The following STK32A variants were observed in gnomAD, a reference collection of about 807,000 sequenced individuals.
STK32A encodes the protein serine/threonine-protein kinase 32A.
In STK32A, 41 loss-of-function variants were observed where a neutral mutation model predicts 53.2. The ratio of observed to expected loss-of-function variants is 0.77; its 90% CI spans 0.60 to 1.00. The LOEUF is 1.00. Ranked by LOEUF, STK32A falls within the 50% of genes least tolerant of loss-of-function variation. STK32A has a pLI of 0.00. For synonymous variants in STK32A, 166 were observed against 162.8 expected, an observed-to-expected ratio of 1.02 and a Z score of -0.15; for missense variants, 458 against 485.8, an observed-to-expected ratio of 0.94 and a Z score of 0.54.
chr5:147,262,570 C>T (rs966018891), intron 2 of STK32A, among the ~76,000 whole-genome samples: 11 of 148,032 alleles, frequency 7.4e-5, no homozygotes, highest in African/African-American at 2.8e-4. Flanking sequence ...TTCATTATAC[C>T]TATTTTACAG....
chr5:147,251,886 A>G (rs993009751), intron 2 of STK32A, among the ~76,000 whole-genome samples: 2 of 152,106 alleles, frequency 1.3e-5, no homozygotes, highest in African/African-American at 4.8e-5. Context: ...AACAATTCCA[A>G]TGGCCTTTAT....
intron 2 of STK32A, among the ~76,000 whole-genome samples, chr5:147,276,896 T>C (rs968627549): frequency 6.6e-6 from 1 of 152,194 alleles, no homozygotes; most frequent in Non-Finnish European, 1.5e-5. Flanking sequence ...TTATCTCCAG[T>C]CTCTTCATTA....
chr5:147,239,143 CAG>C (rs1753455954), intron 1 of STK32A, among the ~76,000 whole-genome samples: 1 of 152,144 alleles, frequency 6.6e-6, no homozygotes, highest in East Asian at 1.9e-4. Flanking sequence ...TATGCAGAAA[CAG>C]ATAGCTAGTG....
chr5:147,313,993 A>T (rs2151972689), intron 4 of STK32A, among the ~76,000 whole-genome samples: 1 of 152,274 alleles, frequency 6.6e-6, no homozygotes, highest in East Asian at 1.9e-4. Flanking sequence ...GAAGTAGATG[A>T]TCAAGACCTT....
intron 5 of STK32A, among the ~76,000 whole-genome samples, chr5:147,336,358 G>A (rs1300637532): frequency 4.2e-5 from 6 of 141,678 alleles, no homozygotes; most frequent in Non-Finnish European, 9.2e-5. Flanking sequence ...TCCCTCCCTT[G>A]ACCCAGCAAC....
In STK32A at chr5:147,351,729, C is replaced by A. The variant is rs535831634; in HGVS notation, c.562+575C>A. Among the ~76,000 whole-genome samples, 119 of 152,224 alleles carry A rather than the reference C, an allele frequency of 7.8e-4. 1 individual carries two copies. Among genetic ancestry groups the A allele is most frequent in the Non-Finnish European group, 2.4e-4 (16 of 68,014 alleles). ...GGGTGTGGTAGCATGCGCCTGTAGT[C>A]CCAGCTACTCGGGGGGCTGAGGCAG... On this transcript the variant is annotated intron_variant, in intron 7 of 12. Coordinates refer to ENST00000397936, the MANE Select transcript of STK32A (RefSeq NM_001112724.2).
At chr5:147,271,290 G>C (rs1183672941) in intron 2 of STK32A, among the ~76,000 whole-genome samples, 1 of 151,764 alleles carries the variant, frequency 6.6e-6, no homozygotes, top group East Asian at 1.9e-4. Context: ...CACTTCCCCA[G>C]TCAATACCCT....
chr5:147,383,421 T>C lies in STK32A; in HGVS notation c.1033-20T>C. The C allele has an allele frequency of 3.8e-6, 6 of 1,579,228 alleles. No homozygotes were observed. The highest frequency in any genetic ancestry group is 5.2e-6 in the Non-Finnish European group (6 of 1,160,960). ...GTCTGCTAACTATACCTCTATTTTT[T>C]TTCTACGTTCACCTGGAAGACATGT... On this transcript the variant is annotated intron_variant, in intron 11 of 12. Coordinates refer to ENST00000397936, the MANE Select transcript of STK32A (RefSeq NM_001112724.2).
At position 147,386,813 on chromosome 5, in the gene STK32A, T is replaced by C. The variant is rs1485423103; in HGVS notation, c.*2830T>C. 1 of 152,230 alleles carries C rather than the reference T, an allele frequency of 6.6e-6. No homozygotes were observed. Among genetic ancestry groups the C allele is most frequent in the Non-Finnish European group, 1.5e-5 (1 of 68,052 alleles). The allele number at this position is 152,230 out of a possible 1,614,324, so 9.4% of individuals were successfully genotyped here. ...GCTGATTGTAATCACCTCCCACCAC[T>C]GTGCATTTTAAACATGAGAACAAAA... On this transcript the variant is annotated 3_prime_UTR_variant, in exon 13 of 13. Transcript: ENST00000397936.
chr5:147,344,861 C>T (rs568643968), intron 6 of STK32A, among the ~76,000 whole-genome samples: 29 of 152,256 alleles, frequency 1.9e-4, no homozygotes, highest in African/African-American at 6.7e-4. Flanking sequence ...CAACACTTTC[C>T]CAGCTTTATC....
At chr5:147,241,029 A>T (rs1753549403) in intron 2 of STK32A, among the ~76,000 whole-genome samples, 1 of 152,204 alleles carries the variant, frequency 6.6e-6, no homozygotes, top group African/African-American at 2.4e-5. Context: ...TCAGTTTGTT[A>T]TCTTGGGTGG....
chr5:147,271,989 A>G (rs772196558), intron 2 of STK32A, among the ~76,000 whole-genome samples: 18 of 152,070 alleles, frequency 1.2e-4, no homozygotes, highest in Non-Finnish European at 2.5e-4. Flanking sequence ...GAAAATCCCT[A>G]ATAAAAACTT....
intron 4 of STK32A, among the ~76,000 whole-genome samples, chr5:147,309,811 T>G (rs1201004915): frequency 6.6e-6 from 1 of 152,188 alleles, no homozygotes; most frequent in Non-Finnish European, 1.5e-5. Flanking sequence ...CACGTTCCAT[T>G]TCTTTCGATA....
chr5:147,321,468 C>T (rs979752133), intron 4 of STK32A, among the ~76,000 whole-genome samples: 2 of 152,158 alleles, frequency 1.3e-5, no homozygotes, highest in South Asian at 4.1e-4. Flanking sequence ...AAACGTGCCT[C>T]CATGATTAAA....
chr5:147,297,097 G>T (rs1306884905), intron 4 of STK32A, among the ~76,000 whole-genome samples: 2 of 152,128 alleles, frequency 1.3e-5, no homozygotes, highest in Non-Finnish European at 2.9e-5. Context: ...CTTAACCAAG[G>T]TTATGTCTAA....
In STK32A at chr5:147,304,153, C is replaced by A. The variant is rs144739438; in HGVS notation, c.261-19745C>A. 3.2e-4 allele frequency among the ~76,000 whole-genome samples: 48 copies of A among 152,288 alleles called. No individual in the cohort carries two copies. The East Asian group carries it at 5.4e-3, about 17-fold the overall frequency. On this transcript the variant is annotated intron_variant, in intron 4 of 12. Transcript: ENST00000397936. Reference sequence around the variant, plus strand: ...TGAATAGACTCTTAAGCTGTCTGGGCGGACATGAGTCAGCTCCAACCAATT... The same window carrying A: ...TGAATAGACTCTTAAGCTGTCTGGGAGGACATGAGTCAGCTCCAACCAATT...
intron 4 of STK32A, among the ~76,000 whole-genome samples, chr5:147,299,271 G>C (rs1259570156): frequency 6.6e-6 from 1 of 152,078 alleles, no homozygotes; most frequent in Non-Finnish European, 1.5e-5. Flanking sequence ...TTTGTAAACT[G>C]TCATGGTGCT....
chr5:147,271,332 C>G (rs13170718), intron 2 of STK32A, among the ~76,000 whole-genome samples: 24,455 of 152,138 alleles, frequency 0.16, 2,352 homozygotes, highest in East Asian at 0.49. Context: ...TTACTTTAAT[C>G]TCTTAATCCT....
intron 2 of STK32A, among the ~76,000 whole-genome samples, chr5:147,264,812 G>A (rs1255705936): frequency 1.3e-5 from 2 of 152,134 alleles, no homozygotes; most frequent in African/African-American, 4.8e-5. Flanking sequence ...AGAGGTAAAA[G>A]TGGTTGCTCC....
Sources: gnomAD v4.1 joint callset for allele counts (sites outside exome capture counted in the v4.1 genomes callset) on GRCh38, gnomAD v4.1.1 for gene constraint, MANE v1.5 for transcripts, NCBI Gene and HGNC (gene_info 2026-07-23, HGNC 2026-07-21) for gene names.